RYK: variants seen among roughly 807,000 people sequenced by gnomAD.
RYK encodes receptor like tyrosine kinase, also known as inactive tyrosine-protein kinase RYK.
RYK carries 21 observed loss-of-function variants against 70.2 expected under a neutral mutation model. The observed-to-expected ratio is 0.30, with a 90% CI of 0.21 to 0.43. The LOEUF is 0.43. Among genes scored for constraint, RYK ranks in the 20% least tolerant of loss-of-function variants. The pLI is 1.00. For missense variants in RYK, 604 were observed against 753.3 expected (o/e 0.80, Z 2.32); for synonymous variants, 267 against 278.0 (o/e 0.96, Z 0.39).
chr3:134,234,487 T>C (rs1053950725), intron 1 of RYK, among the ~76,000 whole-genome samples: 2 of 151,968 alleles, frequency 1.3e-5, no homozygotes, highest in African/African-American at 2.4e-5. Flanking sequence ...CATTTGACAA[T>C]GGGACTGAAA....
intron 13 of RYK, 41 bp downstream of exon 13, chr3:134,175,568 G>A (rs748116931): frequency 1.3e-6 from 2 of 1,573,982 alleles, no homozygotes; most frequent in African/African-American, 1.4e-5. Context: ...ACAGAAAGCT[G>A]TTTCTCTATT....
intron 1 of RYK, among the ~76,000 whole-genome samples, chr3:134,226,088 T>C (rs968585899): frequency 1.3e-5 from 2 of 152,012 alleles, no homozygotes; most frequent in African/African-American, 4.8e-5. Context: ...ACTATAAGGA[T>C]GAAGCCAAAA....
intron 4 of RYK, among the ~76,000 whole-genome samples, chr3:134,209,432 C>T (rs1032190140): frequency 1.3e-5 from 2 of 152,182 alleles, no homozygotes; most frequent in African/African-American, 4.8e-5. Context: ...ACCTCTTCAA[C>T]CATTTTAGCA....
chr3:134,238,943 T>C (rs948405163), intron 1 of RYK, among the ~76,000 whole-genome samples: 10 of 152,358 alleles, frequency 6.6e-5, no homozygotes, highest in South Asian at 2.1e-4. Context: ...TCTTGAATAC[T>C]TCACATCCTC....
At chr3:134,243,485 G>A (rs2015375966) in intron 1 of RYK, among the ~76,000 whole-genome samples, 1 of 152,160 alleles carries the variant, frequency 6.6e-6, no homozygotes, top group South Asian at 2.1e-4. Flanking sequence ...GCATTCTTTA[G>A]CAGCTCACTG....
At chr3:134,176,878 G>A (rs747015246) in intron 11 of RYK, among the ~76,000 whole-genome samples, 5 of 151,398 alleles carry the variant, frequency 3.3e-5, no homozygotes, top group South Asian at 2.1e-4. Flanking sequence ...GTGAAACCCC[G>A]TCTACTAAAA....
chr3:134,176,924 T>C (rs2013123474), intron 11 of RYK, among the ~76,000 whole-genome samples: 1 of 151,988 alleles, frequency 6.6e-6, no homozygotes, highest in South Asian at 2.1e-4. Flanking sequence ...GGCAGGCGCC[T>C]GTAGTCCCAG....
chr3:134,188,531 T>C (rs774118250), intron 9 of RYK, among the ~76,000 whole-genome samples: 1 of 152,182 alleles, frequency 6.6e-6, no homozygotes, highest in Non-Finnish European at 1.5e-5. Context: ...TGCAAAAGTA[T>C]ACCAACACTA....
intron 2 of RYK, among the ~76,000 whole-genome samples, chr3:134,212,622 G>C (rs956919223): frequency 9.2e-5 from 14 of 152,154 alleles, no homozygotes; most frequent in African/African-American, 3.4e-4. Flanking sequence ...GGTGAAGTGG[G>C]GGGTGTTCCA....
chr3:134,234,860 T>C (rs2015160657), intron 1 of RYK, among the ~76,000 whole-genome samples: 1 of 152,036 alleles, frequency 6.6e-6, no homozygotes, highest in Non-Finnish European at 1.5e-5. Flanking sequence ...AAAACCAAAA[T>C]AGTAGAAATA....
At chr3:134,229,080 CT>C (rs1373379402) in intron 1 of RYK, among the ~76,000 whole-genome samples, 1 of 152,060 alleles carries the variant, frequency 6.6e-6, no homozygotes, top group Non-Finnish European at 1.5e-5. Context: ...ACCTTGACCC[CT>C]ATCTTACATA....
At chr3:134,241,221 C>T (rs1197558271) in intron 1 of RYK, among the ~76,000 whole-genome samples, 1 of 150,740 alleles carries the variant, frequency 6.6e-6, no homozygotes, top group Non-Finnish European at 1.5e-5. Flanking sequence ...TGGTGGTGCA[C>T]GCCTGTAGTC....
chr3:134,238,187 G>T (rs1175545503), intron 1 of RYK, among the ~76,000 whole-genome samples: 2 of 152,170 alleles, frequency 1.3e-5, no homozygotes, highest in African/African-American at 2.4e-5. Flanking sequence ...CTGTAGAACA[G>T]GGGCATCCTT....
intron 12 of RYK, 66 bp downstream of exon 12, chr3:134,175,864 C>T (rs537394269): frequency 1.4e-5 from 21 of 1,543,362 alleles, no homozygotes; most frequent in Middle Eastern, 1.8e-4. Flanking sequence ...CACTGTGACT[C>T]GCAGAGAACC....
intron 1 of RYK, among the ~76,000 whole-genome samples, chr3:134,249,456 A>G (rs574168881): frequency 8.5e-5 from 13 of 152,332 alleles, no homozygotes; most frequent in Admixed American, 2.0e-4. Context: ...CCACCTTCAG[A>G]TGAAATAAAG....
intron 2 of RYK, among the ~76,000 whole-genome samples, chr3:134,219,088 G>A (rs993393425): frequency 2.0e-5 from 3 of 152,138 alleles, no homozygotes; most frequent in Admixed American, 6.5e-5. Flanking sequence ...AGGTAACTTA[G>A]AAATTATGCT....
intron 11 of RYK, among the ~76,000 whole-genome samples, chr3:134,176,815 C>T (rs924608866): frequency 4.6e-5 from 7 of 152,230 alleles, no homozygotes; most frequent in African/African-American, 1.7e-4. Flanking sequence ...CTTTGGGAGG[C>T]TGAGGCAGGC....
At chr3:134,207,805 A>C (rs568850984) in intron 4 of RYK, among the ~76,000 whole-genome samples, 2 of 152,324 alleles carry the variant, frequency 1.3e-5, no homozygotes, top group South Asian at 2.1e-4. Context: ...TTGGAGCTTC[A>C]CAGTGAACAT....
chr3:134,246,536 A>C (rs2015473346), intron 1 of RYK, among the ~76,000 whole-genome samples: 1 of 151,918 alleles, frequency 6.6e-6, no homozygotes, highest in Non-Finnish European at 1.5e-5. Flanking sequence ...AAAGAACCTG[A>C]GCTTCAAAAA....
Sources: allele counts gnomAD v4.1 joint callset (sites outside exome capture counted in the v4.1 genomes callset), GRCh38; gene constraint gnomAD v4.1.1; transcripts MANE v1.5; gene names NCBI Gene and HGNC (gene_info 2026-07-23, HGNC 2026-07-21).